Variants in PLEKHM1 observed in about 807,000 individuals in gnomAD.
PLEKHM1 encodes pleckstrin homology and RUN domain containing M1.
In PLEKHM1, 28 loss-of-function variants were observed where a neutral mutation model predicts 94.3. The observed-to-expected ratio is 0.30, with a 90% CI of 0.22 to 0.41. The LOEUF is 0.41. Among genes scored for constraint, PLEKHM1 ranks in the 10% least tolerant of loss-of-function variants. The pLI is 1.00. For missense variants in PLEKHM1, 907 were observed against 1,358.6 expected (o/e 0.67, Z 5.22); for synonymous variants, 424 against 581.2 (o/e 0.73, Z 3.89).
intron 7 of PLEKHM1, among the ~76,000 whole-genome samples, chr17:45,451,844 C>T (rs1463003899): frequency 6.6e-6 from 1 of 152,214 alleles, no homozygotes; most frequent in African/African-American, 2.4e-5. Context: ...AGTCCTGGCC[C>T]CCTCAGAGCC....
chr17:45,465,441 G>A (rs1207802559), intron 5 of PLEKHM1, among the ~76,000 whole-genome samples: 1 of 152,076 alleles, frequency 6.6e-6, no homozygotes, highest in African/African-American at 2.4e-5. Flanking sequence ...GGGCACGGTG[G>A]CTCATGCCTG....
chr17:45,477,997 T>C lies in PLEKHM1; in HGVS notation c.199A>G (p.Ile67Val), dbSNP rs777899942. 5.6e-6 allele frequency: 9 copies of C among 1,614,074 alleles called. No individual in the cohort carries two copies. The highest frequency in any genetic ancestry group is 5.3e-5 in the African/African-American group (4 of 74,940). The change falls in exon 3 of 12, where the codon ATC (isoleucine) becomes GTC (valine). Residue 67 changes from isoleucine (I) to valine (V), a missense_variant. Coordinates refer to ENST00000430334, the MANE Select transcript of PLEKHM1 (RefSeq NM_014798.3). The part of the protein sequence containing the change: ...VFIHGLHAKH[I>V]RAEAGGKRKK... ...CTTTTTCCTCCGGCCTCAGCTCGGA[T>C]GTGCTTGGCGTGCAGGCCATGGATA...
chr17:45,462,974 C>T (rs1193719996), intron 5 of PLEKHM1, among the ~76,000 whole-genome samples: 1 of 150,094 alleles, frequency 6.7e-6, no homozygotes, highest in Admixed American at 6.7e-5. Context: ...CTCAGCTACT[C>T]GGGAGGCTGA....
chr17:45,462,681 A>G (rs1404200452), intron 5 of PLEKHM1, among the ~76,000 whole-genome samples: 4 of 152,238 alleles, frequency 2.6e-5, no homozygotes, highest in Admixed American at 2.6e-4. Context: ...TGCCCGAGTC[A>G]TACAAGATGA....
At chr17:45,440,248 T>C (rs1338408408) in intron 9 of PLEKHM1, 22 bp from the exon 10 acceptor site, 2 of 1,612,474 alleles carry the variant, frequency 1.2e-6, no homozygotes, top group Non-Finnish European at 1.7e-6. Context: ...ACACAAGCGA[T>C]TCTTTAGAAA....
At chr17:45,461,740 C>T (rs1278135609) in intron 5 of PLEKHM1, among the ~76,000 whole-genome samples, 2 of 152,168 alleles carry the variant, frequency 1.3e-5, no homozygotes, top group African/African-American at 2.4e-5. Flanking sequence ...CCCCTGCAAC[C>T]CCAGGCAGCC....
At chr17:45,447,145 G>A (rs2960007) in intron 8 of PLEKHM1, among the ~76,000 whole-genome samples, 3 of 152,354 alleles carry the variant, frequency 2.0e-5, no homozygotes, top group South Asian at 2.1e-4. Context: ...AGTGCCTGGT[G>A]TGGCCCTGTT....
At position 45,468,303 on chromosome 17, in the gene PLEKHM1, G is replaced by A. The variant is rs541849226; in HGVS notation, c.1214C>T (p.Thr405Ile). The change falls in exon 5 of 12, where the codon ACA (threonine) becomes ATA (isoleucine). Residue 405 changes from threonine to isoleucine, a missense_variant. Around this residue, in one of 3 missense-constraint regions of PLEKHM1, gnomAD observed 477 missense variants for 601.5 expected, o/e 0.79. Transcript: ENST00000430334. ...GQQPSSTVSE[T>I]AREVGQGNGL... ...ATTCCCTTGGCCCACTTCTCTGGCT[G>A]TCTCGCTGACAGTACTAGAAGGCTG... The A allele has an allele frequency of 6.2e-7, 1 of 1,613,550 alleles. No individual in the cohort carries two copies. The highest frequency in any genetic ancestry group is 1.1e-5 in the South Asian group (1 of 90,990).
chr17:45,447,946 G>A (rs1265755793), intron 8 of PLEKHM1: 3 of 151,760 alleles, frequency 2.0e-5, no homozygotes, highest in South Asian at 2.1e-4. Context: ...ACAAACATGC[G>A]CCACCACGCC....
chr17:45,467,582 G>A (rs1462995595), intron 5 of PLEKHM1, among the ~76,000 whole-genome samples: 1 of 152,158 alleles, frequency 6.6e-6, no homozygotes, highest in East Asian at 1.9e-4. Flanking sequence ...CCAACATGAT[G>A]AAACCCCATC....
At chr17:45,435,850 G>A (rs1432589830), downstream of PLEKHM1, 1 of 417,842 alleles carries the variant, frequency 2.4e-6, no homozygotes, top group Admixed American at 2.6e-5. Context: ...CAGATGGCTG[G>A]TGGTCTCCCC....
chr17:45,454,176 G>C lies in PLEKHM1; in HGVS notation c.1676C>G (p.Pro559Arg). The C allele has an allele frequency of 6.2e-7, 1 of 1,613,732 alleles. No homozygotes were observed. Among genetic ancestry groups the C allele is most frequent in the South Asian group, 1.1e-5 (1 of 91,070 alleles). The change falls in exon 7 of 12, where the codon CCG becomes CGG. Residue 559 changes from proline to arginine, a missense_variant. Physicochemically the swap from Pro to Arg is moderately radical, Grantham distance 103. Around this residue, in one of 3 missense-constraint regions of PLEKHM1, gnomAD observed 477 missense variants for 601.5 expected, o/e 0.79. Transcript: ENST00000430334. ...GCTCAGGTAGAGGCGGAACTCCAGC[G>C]GGGAGAGCTCGCAGAAGAGCTCCTT... The part of the protein sequence containing the change: ...IWKELFCELS[P>R]LEFRLYLSNE...
chr17:45,459,119 A>T (rs992866501), intron 5 of PLEKHM1, among the ~76,000 whole-genome samples: 4 of 152,052 alleles, frequency 2.6e-5, no homozygotes, highest in African/African-American at 9.7e-5. Flanking sequence ...AGCCTAGGCA[A>T]CAGAATGAGA....
chr17:45,440,540 T>G (rs1369078213), intron 9 of PLEKHM1, among the ~76,000 whole-genome samples: 6 of 152,232 alleles, frequency 3.9e-5, no homozygotes, highest in Admixed American at 1.3e-4. Flanking sequence ...AGTAAACACG[T>G]AATTAATCAT....
chr17:45,488,136 A>G (rs1044457560), intron 1 of PLEKHM1, among the ~76,000 whole-genome samples: 11 of 152,168 alleles, frequency 7.2e-5, no homozygotes, highest in Admixed American at 1.3e-4. Flanking sequence ...TGATTCCCAG[A>G]CTCAGGGCTA....
intron 2 of PLEKHM1, among the ~76,000 whole-genome samples, chr17:45,479,984 T>C (rs1567804813): frequency 1.3e-5 from 2 of 152,244 alleles, no homozygotes; most frequent in Non-Finnish European, 2.9e-5. Context: ...GGTGATAGGA[T>C]TATGGCTACA....
chr17:45,480,519 C>CA (rs927895834), intron 2 of PLEKHM1, among the ~76,000 whole-genome samples: 99 of 151,554 alleles, frequency 6.5e-4, no homozygotes, highest in Non-Finnish European at 1.0e-3. Flanking sequence ...AAAAAACAAA[C>CA]AAAAAAAACG....
In PLEKHM1 at chr17:45,436,336, T is replaced by C. The variant is rs767789735; in HGVS notation, c.*1522A>G. 6.6e-6 allele frequency: 3 copies of C among 454,068 alleles called. No individual in the cohort carries two copies. Among genetic ancestry groups the C allele is most frequent in the South Asian group, 4.7e-5 (3 of 64,486 alleles). 28.1% of individuals were successfully genotyped at this position (454,068 alleles called of 1,614,324 possible). ...AGGCATTGGCGTCTGGGCACAGGTG[T>C]GTGCCATGACCGGGAGAAGCTGTGC... On this transcript the variant is annotated 3_prime_UTR_variant, in exon 12 of 12. Coordinates refer to ENST00000430334, the MANE Select transcript of PLEKHM1 (RefSeq NM_014798.3).
At chr17:45,464,645 G>A (rs2145266786) in intron 5 of PLEKHM1, among the ~76,000 whole-genome samples, 1 of 152,122 alleles carries the variant, frequency 6.6e-6, no homozygotes. Flanking sequence ...CAGGACGGGG[G>A]CAGGATCCGA....
Sources: gnomAD v4.1 joint callset for allele counts (sites outside exome capture counted in the v4.1 genomes callset) on GRCh38, gnomAD v4.1.1 for gene constraint, gnomAD v4.1.1 regional missense constraint, MANE v1.5 for transcripts, NCBI Gene and HGNC (gene_info 2026-07-23, HGNC 2026-07-21) for gene names.